Variants in AKAP9 observed in about 807,000 individuals in gnomAD.
The protein encoded by AKAP9 is A-kinase anchoring protein 9, also known as A-kinase anchor protein 9.
A neutral mutation model predicts 488.5 loss-of-function variants in AKAP9; 311 were observed. That is an observed-to-expected ratio of 0.64 (90% CI 0.58 to 0.70). The LOEUF is 0.70. AKAP9 is among the 30% of genes least tolerant of loss of function. The pLI is 0.00. For synonymous variants in AKAP9, 1,462 were observed against 1,483.5 expected, an observed-to-expected ratio of 0.99 and a Z score of 0.33; for missense variants, 4,215 against 4,374.5, an observed-to-expected ratio of 0.96 and a Z score of 1.03.
chr7:91,984,149 G>A (rs1796775442), intron 3 of AKAP9, among the ~76,000 whole-genome samples: 1 of 152,116 alleles, frequency 6.6e-6, no homozygotes, highest in African/African-American at 2.4e-5. Context: ...CATCCCATTT[G>A]TCTATTTTGG....
chr7:91,995,736 AAAAG>A lies in AKAP9; in HGVS notation c.873_876del (p.Glu292ThrfsTer24). 1 of 1,613,512 alleles carries A rather than the reference AAAAG, an allele frequency of 6.2e-7. No individual in the cohort carries two copies. Among genetic ancestry groups the A allele is most frequent in the Non-Finnish European group, 8.5e-7 (1 of 1,179,426 alleles). On this transcript the variant is annotated frameshift_variant, in exon 7 of 50. Coordinates refer to ENST00000356239, the MANE Select transcript of AKAP9 (RefSeq NM_005751.5). LOFTEE classifies it high-confidence loss of function. ...GACCACTTATTAGAAGATTATCAGA[AAAAG>A]AAAGAAGACTTCACAATGCAAATTA... is the stretch of plus-strand genomic sequence containing the variant.
In AKAP9 at chr7:92,105,667, A is replaced by T. The variant is rs115270109; in HGVS notation, c.11331-11A>T. ...ATGGGCTGTGAAATTTTATCTTGGAATCTTTTTTAGAATGAAATTTTTGGT... is the reference window on the plus strand; with the variant it reads ...ATGGGCTGTGAAATTTTATCTTGGATTCTTTTTTAGAATGAAATTTTTGGT... On this transcript the variant is annotated splice_polypyrimidine_tract_variant and intron_variant, in intron 46 of 49. Transcript: ENST00000356239. 1.1e-3 allele frequency: 1,756 copies of T among 1,609,968 alleles called. 18 individuals are homozygous for T. The African/African-American group carries it at 0.021, about 19-fold the overall frequency.
chr7:92,071,969 T>G (rs1450836290), intron 28 of AKAP9, among the ~76,000 whole-genome samples: 2 of 125,014 alleles, frequency 1.6e-5, no homozygotes, highest in Non-Finnish European at 3.5e-5. Context: ...TTTTGACTTT[T>G]GATTTTTTTT....
At chr7:92,033,442 C>CTTTTTTTTTTTTTTTTTT (rs35497475) in intron 16 of AKAP9, among the ~76,000 whole-genome samples, 1 of 107,372 alleles carries the variant, frequency 9.3e-6, no homozygotes, top group Non-Finnish European at 1.9e-5. Context: ...CTTTTCTTTT[C>CTTTTTTTTTTTTTTTTTT]TTTTTTTTTT....
rs1816656873 is a variant in AKAP9, at chr7:92,096,793, A to G, written c.9834A>G (p.Glu3278=). The part of the protein sequence containing the change: ...QLLNESQQKI[E]SQRMLYDAQL... ...TGAACGAATCCCAGCAAAAAATAGA[A>G]TCACAGAGAATGCTATATGATGCCC... is the stretch of plus-strand genomic sequence containing the variant. Residue 3278 remains glutamate (E), a synonymous_variant, in exon 41 of 50, where the codon GAA becomes GAG. Transcript: ENST00000356239. The G allele has an allele frequency of 1.2e-5, 19 of 1,614,258 alleles. No individual in the cohort carries two copies. Among genetic ancestry groups the G allele is most frequent in the Non-Finnish European group, 1.6e-5 (19 of 1,180,046 alleles).
intron 10 of AKAP9, among the ~76,000 whole-genome samples, chr7:92,014,718 A>G (rs958024608): frequency 6.6e-6 from 1 of 152,232 alleles, no homozygotes; most frequent in South Asian, 2.1e-4. Flanking sequence ...TTTAATGATC[A>G]CCCAGCCTAG....
chr7:91,963,527 C>CACACAT (rs1267784259), intron 1 of AKAP9, among the ~76,000 whole-genome samples: 1 of 144,952 alleles, frequency 6.9e-6, no homozygotes, highest in Non-Finnish European at 1.5e-5. Flanking sequence ...CACACACACA[C>CACACAT]ATATTTTTGA....
At chr7:92,060,484 C>G (rs1319564107) in intron 22 of AKAP9, among the ~76,000 whole-genome samples, 5 of 152,114 alleles carry the variant, frequency 3.3e-5, no homozygotes, top group Non-Finnish European at 5.9e-5. Context: ...AAGGCAGAGA[C>G]AGTACTTTTC....
intron 49 of AKAP9, among the ~76,000 whole-genome samples, chr7:92,109,578 C>T (rs754901045): frequency 2.0e-5 from 3 of 152,186 alleles, no homozygotes; most frequent in Non-Finnish European, 4.4e-5. Context: ...ATTAGTCTCA[C>T]CTACCTTGCC....
At position 92,079,231 on chromosome 7, in the gene AKAP9, T is replaced by G. The variant is rs754620853; in HGVS notation, c.7098T>G (p.Ile2366Met). Residue 2366 changes from isoleucine (I) to methionine (M), a missense_variant, in exon 31 of 50, where the codon ATT (isoleucine) becomes ATG (methionine). Coordinates refer to ENST00000356239, the MANE Select transcript of AKAP9 (RefSeq NM_005751.5). Reference sequence around the variant, plus strand: ...AACTTCAACAGGAATTGGCAAATATTGGACAGAAGACATCAATGAATGCTC... The same window carrying G: ...AACTTCAACAGGAATTGGCAAATATGGGACAGAAGACATCAATGAATGCTC... ...IEKLQQELAN[I>M]GQKTSMNAHS... The G allele has an allele frequency of 6.2e-7, 1 of 1,614,056 alleles. No homozygotes were observed. Among genetic ancestry groups the G allele is most frequent in the African/African-American group, 1.3e-5 (1 of 75,032 alleles).
intron 21 of AKAP9, among the ~76,000 whole-genome samples, chr7:92,046,278 C>G (rs1429265227): frequency 1.3e-5 from 2 of 152,186 alleles, no homozygotes; most frequent in African/African-American, 4.8e-5. Flanking sequence ...ATGTGGACTC[C>G]TGGCTCACAA....
At chr7:92,062,637 A>G (rs1035281725) in intron 24 of AKAP9, 151 bp downstream of exon 24, 3 of 687,132 alleles carry the variant, frequency 4.4e-6, no homozygotes, top group Non-Finnish European at 7.3e-6. Context: ...CCTTAGAGAT[A>G]AATGTCTTAT....
At chr7:91,980,238 T>C in intron 2 of AKAP9, 51 bp from the exon 3 acceptor site, 1 of 1,130,132 alleles carries the variant, frequency 8.8e-7, no homozygotes, top group Middle Eastern at 2.1e-4. Flanking sequence ...TAAAGTATGA[T>C]ATTTAGCACA....
At chr7:92,087,652 T>G (rs2130880075) in intron 37 of AKAP9, among the ~76,000 whole-genome samples, 1 of 152,072 alleles carries the variant, frequency 6.6e-6, no homozygotes, top group South Asian at 2.1e-4. Flanking sequence ...CTGATGATTC[T>G]AGGGATGGAC....
chr7:91,992,266 C>G, intron 4 of AKAP9, 55 bp downstream of exon 4: 3 of 1,343,380 alleles, frequency 2.2e-6, no homozygotes, highest in South Asian at 2.4e-5. Flanking sequence ...TTAAAATCAT[C>G]TGGCTTACTA....
intron 7 of AKAP9, among the ~76,000 whole-genome samples, chr7:92,000,338 G>A (rs1364599188): frequency 6.6e-6 from 1 of 152,204 alleles, no homozygotes; most frequent in Non-Finnish European, 1.5e-5. Context: ...CTGAAGTTAA[G>A]ACAGACCGTT....
Position 92,042,120 on chromosome 7 carries a change from G to C in AKAP9, c.4992G>C (p.Lys1664Asn). Residue 1664 changes from lysine (K) to asparagine (N), a missense_variant, in exon 19 of 50, where the codon AAG becomes AAC. Coordinates refer to ENST00000356239, the MANE Select transcript of AKAP9 (RefSeq NM_005751.5). The part of the protein sequence containing the change: ...RVLLEELEAL[K>N]QLSLAGREKL... ...TTTTAGAGGAGCTGGAAGCACTAAA[G>C]CAGCTGTCTTTAGCTGGAAGAGAGA... The C allele has an allele frequency of 6.2e-7, 1 of 1,614,060 alleles. No homozygotes were observed. Among genetic ancestry groups the C allele is most frequent in the East Asian group, 2.2e-5 (1 of 44,870 alleles).
At chr7:91,961,839 G>A (rs896667164) in intron 1 of AKAP9, among the ~76,000 whole-genome samples, 12 of 150,876 alleles carry the variant, frequency 8.0e-5, no homozygotes, top group African/African-American at 2.7e-4. Context: ...GTGAGACTCC[G>A]TCTCAAAAAA....
intron 43 of AKAP9, 143 bp from the exon 44 acceptor site, chr7:92,099,544 C>G: frequency 2.4e-6 from 2 of 830,204 alleles, no homozygotes; most frequent in Non-Finnish European, 2.0e-6. Flanking sequence ...TCTTTTCTGC[C>G]TGGTAAATAT....
Sources: allele counts gnomAD v4.1 joint callset (sites outside exome capture counted in the v4.1 genomes callset), GRCh38; gene constraint gnomAD v4.1.1; transcripts MANE v1.5; gene names NCBI Gene and HGNC (gene_info 2026-07-23, HGNC 2026-07-21).